The following PCDHGA1 variants were observed in gnomAD, a reference collection of about 807,000 sequenced individuals.
PCDHGA1 encodes protocadherin gamma subfamily A, 1.
Under a neutral mutation model 58.0 loss-of-function variants are expected in PCDHGA1, and 32 were observed. The observed-to-expected ratio is 0.55, with a 90% CI of 0.42 to 0.74. The LOEUF (loss-of-function observed/expected upper bound fraction) is 0.74. PCDHGA1 is among the 30% of genes least tolerant of loss of function. The probability of loss-of-function intolerance (pLI) is 0.00; values close to 1 mark genes in which losing one functional copy is unlikely to be tolerated. For missense variants in PCDHGA1, 1,205 were observed against 1,182.3 expected (o/e 1.02, Z -0.28); for synonymous variants, 498 against 501.1 (o/e 0.99, Z 0.08).
intron 1 of PCDHGA1, chr5:141,352,818 G>T: frequency 1.2e-6 from 1 of 812,672 alleles, no homozygotes; most frequent in South Asian, 1.8e-5. Flanking sequence ...GGTAAAACCC[G>T]GTCTACTAAA....
chr5:141,486,456 C>G lies in PCDHGA1; in HGVS notation c.2422-8351C>G. ...AGCTATGACATCATGGTCACTGCTT[C>G]TGATGCTGGGAACCCTCCTCTCAGT... is the stretch of plus-strand genomic sequence containing the variant. On this transcript the variant is annotated intron_variant, in intron 1 of 3. Transcript: ENST00000517417. The surrounding 1 kb of genome is among the most constrained non-coding windows in gnomAD (Gnocchi z 5.0). The G allele has an allele frequency of 1.9e-6, 3 of 1,614,052 alleles. No homozygotes were observed. In the South Asian group the frequency reaches 3.3e-5, roughly 18 times the overall value.
rs117560542 is a variant in PCDHGA1 at position 141,375,655 on chromosome 5, G to A, written c.2421+42550G>A. ...CCCTGCGCTCCTTCGACTATGAGCA[G>A]TTGAGAGACCTACAGCTGTGGGTGA... is the stretch of plus-strand genomic sequence containing the variant. On this transcript the variant is annotated intron_variant, in intron 1 of 3. Transcript: ENST00000517417. 2.4e-4 allele frequency: 382 copies of A among 1,614,246 alleles called. 5 individuals are homozygous for A. The East Asian group carries it at 8.3e-3, about 35-fold the overall frequency.
chr5:141,361,643 C>T, intron 1 of PCDHGA1: 1 of 1,613,858 alleles, frequency 6.2e-7, no homozygotes, highest in Non-Finnish European at 8.5e-7. Context: ...GAGATTTTAT[C>T]CTACGTGTCC....
At chr5:141,366,219 G>A (rs888571729) in intron 1 of PCDHGA1, 8 of 1,613,694 alleles carry the variant, frequency 5.0e-6, no homozygotes, top group African/African-American at 1.3e-5. Flanking sequence ...CGCACAGCGC[G>A]AGCCCTGCTG....
At chr5:141,347,044 TCTC>T (rs1757851377) in intron 1 of PCDHGA1, among the ~76,000 whole-genome samples, 1 of 150,482 alleles carries the variant, frequency 6.6e-6, no homozygotes, top group Admixed American at 6.6e-5. Flanking sequence ...CCTTCCTCTC[TCTC>T]TTTCCTCCTT....
At chr5:141,344,310 G>C (rs372211258) in intron 1 of PCDHGA1, 3 of 1,614,090 alleles carry the variant, frequency 1.9e-6, no homozygotes, top group Non-Finnish European at 2.5e-6. Flanking sequence ...GATAGACCGG[G>C]AGGAGCTCTG....
chr5:141,484,924 T>C (rs1453592037), intron 1 of PCDHGA1: 7 of 484,872 alleles, frequency 1.4e-5, no homozygotes, highest in Non-Finnish European at 2.2e-5. Context: ...ACCCTGCTGC[T>C]GTTGGGACGT....
At chr5:141,510,653 T>G (rs1388568365) in intron 3 of PCDHGA1, among the ~76,000 whole-genome samples, 1 of 152,184 alleles carries the variant, frequency 6.6e-6, no homozygotes, top group Non-Finnish European at 1.5e-5. Context: ...ATCCCCATTT[T>G]GCAGATGAGA....
chr5:141,422,916 C>T, intron 1 of PCDHGA1: 1 of 1,614,260 alleles, frequency 6.2e-7, no homozygotes, highest in Non-Finnish European at 8.5e-7. Context: ...CGCCCGAGAT[C>T]CTGTACCCTG....
chr5:141,462,911 T>C (rs1263378930), intron 1 of PCDHGA1, among the ~76,000 whole-genome samples: 1 of 152,248 alleles, frequency 6.6e-6, no homozygotes, highest in Non-Finnish European at 1.5e-5. Flanking sequence ...ATTATGTTTT[T>C]TGCAGATCAG....
At chr5:141,443,790 T>A (rs1178101439) in intron 1 of PCDHGA1, among the ~76,000 whole-genome samples, 2 of 151,832 alleles carry the variant, frequency 1.3e-5, no homozygotes, top group Admixed American at 6.6e-5. Flanking sequence ...ACAAAAAAAA[T>A]GAAAAGGAAA....
intron 1 of PCDHGA1, chr5:141,419,166 A>G: frequency 6.2e-7 from 1 of 1,613,944 alleles, no homozygotes; most frequent in Non-Finnish European, 8.5e-7. Context: ...TCCTCCAGCA[A>G]AACCATAACC....
chr5:141,332,751 C>G lies in PCDHGA1; in HGVS notation c.2067C>G (p.Leu689=). The G allele has an allele frequency of 6.2e-7, 1 of 1,614,076 alleles. No individual in the cohort carries two copies. Among genetic ancestry groups the G allele is most frequent in the South Asian group, 1.1e-5 (1 of 91,084 alleles). ...EPSAKPNDSD[L]TLYLVVAAAA... is the part of the protein sequence containing the mutation. ...CCGCCAAACCCAACGATTCGGACCT[C>G]ACTCTGTACCTGGTGGTGGCGGCGG... The change falls in exon 1 of 4, where the codon CTC becomes CTG. Residue 689 remains leucine, a synonymous_variant. Transcript: ENST00000517417. The surrounding 1 kb of genome is among the most constrained non-coding windows in gnomAD (Gnocchi z 4.6).
chr5:141,387,732 C>T (rs940812767), intron 1 of PCDHGA1: 5 of 1,279,332 alleles, frequency 3.9e-6, no homozygotes, highest in Non-Finnish European at 5.3e-6. Context: ...CAGCGCCAGC[C>T]TTTACACCGC....
intron 1 of PCDHGA1, chr5:141,365,202 C>G (rs1763792764): frequency 6.2e-7 from 1 of 1,613,774 alleles, no homozygotes; most frequent in Non-Finnish European, 8.5e-7. Context: ...ATTTCGGAGA[C>G]TTTCCAACTT....
intron 1 of PCDHGA1, chr5:141,427,297 A>G (rs1292641772): frequency 2.2e-6 from 1 of 456,900 alleles, no homozygotes; most frequent in Non-Finnish European, 4.4e-6. Context: ...ATCCTAGATG[A>G]GAATGACAAT....
intron 1 of PCDHGA1, chr5:141,395,188 T>C (rs1188356077): frequency 6.2e-7 from 1 of 1,614,128 alleles, no homozygotes; most frequent in East Asian, 2.2e-5. Flanking sequence ...GATTCTTTGT[T>C]AACATCCGTA....
intron 2 of PCDHGA1, among the ~76,000 whole-genome samples, chr5:141,502,428 A>C (rs2099814217): frequency 6.6e-6 from 1 of 151,978 alleles, no homozygotes; most frequent in South Asian, 2.1e-4. Flanking sequence ...CTATTCTCTG[A>C]TGGTTAGATT....
At chr5:141,338,908 A>C in intron 1 of PCDHGA1, 1 of 1,500,500 alleles carries the variant, frequency 6.7e-7, no homozygotes, top group East Asian at 2.3e-5. Context: ...ACCCTGAGGA[A>C]TAAAGATTGG....
Sources: gnomAD v4.1 joint callset for allele counts (sites outside exome capture counted in the v4.1 genomes callset) on GRCh38, gnomAD v4.1.1 for gene constraint, Gnocchi (gnomAD v3.1) non-coding constraint, MANE v1.5 for transcripts, NCBI Gene and HGNC (gene_info 2026-07-23, HGNC 2026-07-21) for gene names.